Variants in ST18 observed in about 807,000 individuals in gnomAD.
The protein encoded by ST18 is ST18 C2H2C-type zinc finger transcription factor.
A neutral mutation model predicts 110.0 loss-of-function variants in ST18; 50 were observed. The observed-to-expected ratio is 0.45, with a 90% CI of 0.36 to 0.58. ST18 has a LOEUF of 0.58. Ranked by LOEUF, ST18 falls within the 20% of genes least tolerant of loss-of-function variation. The pLI is 0.00. For synonymous variants in ST18, 461 were observed against 452.4 expected, an observed-to-expected ratio of 1.02 and a Z score of -0.24; for missense variants, 1,306 against 1,280.1, an observed-to-expected ratio of 1.02 and a Z score of -0.31.
chr8:52,324,781 C>T (rs1288657131), intron 2 of ST18, among the ~76,000 whole-genome samples: 3 of 152,182 alleles, frequency 2.0e-5, no homozygotes, highest in Non-Finnish European at 4.4e-5. Context: ...TTCATTACCT[C>T]ATTTAATCTG....
Position 52,126,360 on chromosome 8 carries a change from G to A in ST18, c.2667-220C>T, listed in dbSNP as rs76648139. 1.7e-4 allele frequency among the ~76,000 whole-genome samples: 26 copies of A among 152,224 alleles called. No homozygotes were observed. In the East Asian group the frequency reaches 5.0e-3, roughly 29 times the overall value. On this transcript the variant is annotated intron_variant, in intron 22 of 25. Transcript: ENST00000689386. ...TTTTGCTTTCTTTCCTTAAATCAAG[G>A]TACAAATAGTTACTGCTGATACACA... is the stretch of plus-strand genomic sequence containing the variant.
In ST18 at chr8:52,142,809, C is replaced by A. The variant is rs2055700186; in HGVS notation, c.2168+121G>T. 4.3e-6 allele frequency: 3 copies of A among 702,296 alleles called. No individual in the cohort carries two copies. In the East Asian group the frequency reaches 7.6e-5, roughly 18 times the overall value. 43.5% of individuals were successfully genotyped at this position (702,296 alleles called of 1,614,324 possible). ...GGTTAGATGCGTGTTTAACGTTTAACTGCTGACTGGTAGAAATCACCCTAA... is the reference window on the plus strand; with the variant it reads ...GGTTAGATGCGTGTTTAACGTTTAAATGCTGACTGGTAGAAATCACCCTAA... On this transcript the variant is annotated intron_variant, in intron 17 of 25. Coordinates refer to ENST00000689386, the MANE Select transcript of ST18 (RefSeq NM_001352837.2).
intron 15 of ST18, 103 bp downstream of exon 15, chr8:52,158,795 G>A (rs1394675223): frequency 1.7e-5 from 23 of 1,331,980 alleles, no homozygotes; most frequent in South Asian, 1.0e-4. Context: ...CGCTTCAGAG[G>A]TTGGGGAGCA....
chr8:52,202,085 G>C (rs1054929466), intron 8 of ST18, among the ~76,000 whole-genome samples: 1 of 152,194 alleles, frequency 6.6e-6, no homozygotes, highest in African/African-American at 2.4e-5. Flanking sequence ...TTGTTATGCG[G>C]GTAGGGCTCA....
At chr8:52,318,606 T>C (rs1027887799) in intron 2 of ST18, among the ~76,000 whole-genome samples, 16 of 152,176 alleles carry the variant, frequency 1.1e-4, no homozygotes, top group African/African-American at 3.6e-4. Flanking sequence ...CGTATGTTCA[T>C]TGCAGCACTA....
At chr8:52,135,568 CAAAAAAAAAAAAAA>C (rs71252929) in intron 19 of ST18, among the ~76,000 whole-genome samples, 1 of 56,166 alleles carries the variant, frequency 1.8e-5, no homozygotes, top group Non-Finnish European at 3.7e-5. Context: ...AACTCCATCT[CAAAAAAAAAAAAAA>C]AAAAAAAAAG....
intron 16 of ST18, among the ~76,000 whole-genome samples, chr8:52,148,700 AGGAGG>A (rs368518929): frequency 4.3e-4 from 27 of 62,666 alleles, no homozygotes; most frequent in African/African-American, 1.3e-3. Flanking sequence ...GAAGGAGGGG[AGGAGG>A]GGAGGGGAGG....
intron 2 of ST18, among the ~76,000 whole-genome samples, chr8:52,281,456 A>G (rs2095374290): frequency 6.6e-6 from 1 of 152,218 alleles, no homozygotes; most frequent in South Asian, 2.1e-4. Flanking sequence ...ATGAATAAAC[A>G]ATATTAGAAA....
intron 15 of ST18, among the ~76,000 whole-genome samples, chr8:52,153,750 C>T (rs191819629): frequency 9.5e-4 from 144 of 152,306 alleles, no homozygotes; most frequent in African/African-American, 3.4e-3. Context: ...GTTAGACAGG[C>T]ATGAGTTCAA....
chr8:52,213,180 A>G (rs2136048317), intron 7 of ST18, among the ~76,000 whole-genome samples: 1 of 152,314 alleles, frequency 6.6e-6, no homozygotes, highest in African/African-American at 2.4e-5. Context: ...ATCTAATATG[A>G]GCACAGCATT....
intron 2 of ST18, among the ~76,000 whole-genome samples, chr8:52,302,674 A>C (rs2139563260): frequency 6.6e-6 from 1 of 152,366 alleles, no homozygotes; most frequent in African/African-American, 2.4e-5. Flanking sequence ...ATATATCAAA[A>C]GGACACGAAG....
intron 2 of ST18, among the ~76,000 whole-genome samples, chr8:52,274,252 T>C (rs943470966): frequency 6.6e-6 from 1 of 152,166 alleles, no homozygotes; most frequent in African/African-American, 2.4e-5. Context: ...GATTGATATT[T>C]AGGTGCTACA....
At chr8:52,191,002 A>G (rs968728803) in intron 8 of ST18, among the ~76,000 whole-genome samples, 5 of 152,186 alleles carry the variant, frequency 3.3e-5, no homozygotes, top group African/African-American at 1.2e-4. Context: ...AAGGAAGCAT[A>G]ATATCATATT....
At chr8:52,299,688 A>G (rs973948153) in intron 2 of ST18, among the ~76,000 whole-genome samples, 1 of 152,210 alleles carries the variant, frequency 6.6e-6, no homozygotes, top group Non-Finnish European at 1.5e-5. Flanking sequence ...TCTTCTGTCA[A>G]TCACCTGAAA....
chr8:52,124,626 C>T (rs1018977453), intron 23 of ST18, among the ~76,000 whole-genome samples: 4 of 152,114 alleles, frequency 2.6e-5, no homozygotes, highest in African/African-American at 9.7e-5. Flanking sequence ...AGGGAATGGG[C>T]AGTATTTCCA....
chr8:52,136,499 GT>G lies in ST18; in HGVS notation c.2300+90del, dbSNP rs2052374949. ...TCCTGGCAGGCAGGACATACTGCTTGTTGCTGATCACTTGGGCAATGAATGG... is the reference window on the plus strand; with the variant it reads ...TCCTGGCAGGCAGGACATACTGCTTGTGCTGATCACTTGGGCAATGAATGG... On this transcript the variant is annotated intron_variant, in intron 19 of 25. Coordinates refer to ENST00000689386, the MANE Select transcript of ST18 (RefSeq NM_001352837.2). 6.2e-6 allele frequency: 8 copies of G among 1,300,140 alleles called. No individual in the cohort carries two copies. In the South Asian group the frequency reaches 1.0e-4, roughly 17 times the overall value. The allele number at this position is 1,300,140 out of a possible 1,614,324, so 80.5% of individuals were successfully genotyped here. A position where few individuals can be genotyped will look rare whatever the true frequency, so the allele number is the denominator to read the frequency against.
intron 2 of ST18, among the ~76,000 whole-genome samples, chr8:52,238,784 C>T (rs2093041780): frequency 6.9e-6 from 1 of 144,136 alleles, no homozygotes; most frequent in Non-Finnish European, 1.5e-5. Flanking sequence ...ACCACATGTT[C>T]TCACTAATAA....
intron 11 of ST18, among the ~76,000 whole-genome samples, chr8:52,166,397 A>T (rs1364138155): frequency 6.6e-6 from 1 of 152,132 alleles, no homozygotes; most frequent in Non-Finnish European, 1.5e-5. Context: ...TTCTGCCCTG[A>T]TTGCTCCAGA....
chr8:52,137,425 G>A lies in ST18; in HGVS notation c.2227C>T (p.Arg743Cys). The change falls in exon 18 of 26, where the codon CGC becomes TGC. Residue 743 changes from arginine to cysteine, a missense_variant. Arg to Cys is a radical substitution (Grantham distance 180, BLOSUM62 -3). Transcript: ENST00000689386. ...GHVTGNYASH[R>C]SVSGCPLADK... ...GCACATGAGGTCATTGGGTACCTGCGATGAGATGCATAGTTTCCTGTCACG... is the reference window on the plus strand; with the variant it reads ...GCACATGAGGTCATTGGGTACCTGCAATGAGATGCATAGTTTCCTGTCACG... 1.2e-6 allele frequency: 2 copies of A among 1,614,108 alleles called. No homozygotes were observed. Among genetic ancestry groups the A allele is most frequent in the East Asian group, 2.2e-5 (1 of 44,864 alleles).
Sources: allele counts gnomAD v4.1 joint callset (sites outside exome capture counted in the v4.1 genomes callset), GRCh38; gene constraint gnomAD v4.1.1; transcripts MANE v1.5; gene names NCBI Gene and HGNC (gene_info 2026-07-23, HGNC 2026-07-21).